HMCN1: variants seen among roughly 807,000 people sequenced by gnomAD.
The protein encoded by HMCN1 is hemicentin-1.
Under a neutral mutation model 625.9 loss-of-function variants are expected in HMCN1, and 321 were observed. The ratio of observed to expected loss-of-function variants is 0.51; its 90% CI spans 0.47 to 0.56. The LOEUF (loss-of-function observed/expected upper bound fraction) is 0.56, where lower values mean the gene tolerates loss of function less well. HMCN1 is among the 20% of genes least tolerant of loss of function. The pLI is 0.00. For missense variants in HMCN1, 6,588 were observed against 6,887.3 expected (o/e 0.96, Z 1.54); for synonymous variants, 2,425 against 2,417.6 (o/e 1.00, Z -0.09).
intron 11 of HMCN1, among the ~76,000 whole-genome samples, chr1:185,942,758 GT>G (rs1485660866): frequency 6.6e-6 from 1 of 152,056 alleles, no homozygotes; most frequent in African/African-American, 2.4e-5. Context: ...AGGTTAAGGG[GT>G]TAATCCCACA....
At position 186,144,163 on chromosome 1, in the gene HMCN1, G is replaced by C. The variant is rs755762622; in HGVS notation, c.13925-10G>C. 1.9e-6 allele frequency: 3 copies of C among 1,583,844 alleles called. No homozygotes were observed. In the East Asian group the frequency reaches 6.7e-5, roughly 35 times the overall value. ...CTGTGACTTGCAACTGTCTTTTGGG[G>C]TGTTTGCAGTTCATGGAGCATGGAG... On this transcript the variant is annotated splice_polypyrimidine_tract_variant and intron_variant, in intron 89 of 106. Coordinates refer to ENST00000271588, the MANE Select transcript of HMCN1 (RefSeq NM_031935.3).
Position 185,806,767 on chromosome 1 carries a change from G to T in HMCN1, c.269-39259G>T, listed in dbSNP as rs2102236655. On this transcript the variant is annotated intron_variant, in intron 1 of 106. Coordinates refer to ENST00000271588, the MANE Select transcript of HMCN1 (RefSeq NM_031935.3). ...TAAATGTAACCCACTACAAAGTTTTGTATTGATGTATTATTATGAAAGAAT... is the reference window on the plus strand; with the variant it reads ...TAAATGTAACCCACTACAAAGTTTTTTATTGATGTATTATTATGAAAGAAT... Among the ~76,000 whole-genome samples, 2 of 152,148 alleles carry T rather than the reference G, an allele frequency of 1.3e-5. 1 individual carries two copies. Among genetic ancestry groups the T allele is most frequent in the South Asian group, 4.1e-4 (2 of 4,824 alleles).
chr1:185,830,097 T>TC (rs1284506104), intron 1 of HMCN1, among the ~76,000 whole-genome samples: 1 of 152,154 alleles, frequency 6.6e-6, no homozygotes, highest in Non-Finnish European at 1.5e-5. Flanking sequence ...TAGAGTTGTT[T>TC]GTTTTTTTCT....
intron 4 of HMCN1, among the ~76,000 whole-genome samples, chr1:185,869,098 A>C (rs969365708): frequency 1.2e-4 from 18 of 152,210 alleles, no homozygotes; most frequent in African/African-American, 4.1e-4. Context: ...AATGAGACCA[A>C]AGGAATTTTA....
chr1:186,167,044 G>A (rs1355054632), intron 100 of HMCN1, 102 bp downstream of exon 100: 21 of 1,439,916 alleles, frequency 1.5e-5, no homozygotes, highest in Middle Eastern at 1.8e-4. Flanking sequence ...CACGAGGAAG[G>A]GACCACATAA....
chr1:185,981,258 G>C (rs1651613126), intron 17 of HMCN1, among the ~76,000 whole-genome samples, 185 bp downstream of exon 17: 1 of 151,970 alleles, frequency 6.6e-6, no homozygotes, highest in Non-Finnish European at 1.5e-5. Context: ...TAACCTTAGA[G>C]ATTATCTGCT....
At chr1:185,751,985 G>A (rs934601150) in intron 1 of HMCN1, among the ~76,000 whole-genome samples, 3 of 152,078 alleles carry the variant, frequency 2.0e-5, no homozygotes, top group Admixed American at 2.0e-4. Flanking sequence ...TTCCTTGTGT[G>A]GTTGCTAATT....
chr1:186,061,072 A>G (rs753704835), intron 46 of HMCN1, among the ~76,000 whole-genome samples: 5 of 152,006 alleles, frequency 3.3e-5, no homozygotes, highest in Non-Finnish European at 5.9e-5. Context: ...TCTGCTTTTG[A>G]TACCACTTCT....
At chr1:186,086,022 T>A (rs563360716) in intron 57 of HMCN1, among the ~76,000 whole-genome samples, 2 of 152,324 alleles carry the variant, frequency 1.3e-5, no homozygotes, top group Admixed American at 1.3e-4. Flanking sequence ...AAATGCAGAA[T>A]AATTCTGTCT....
intron 4 of HMCN1, among the ~76,000 whole-genome samples, chr1:185,867,970 G>A (rs531049589): frequency 1.3e-5 from 2 of 152,184 alleles, no homozygotes; most frequent in African/African-American, 2.4e-5. Context: ...TCGGGAGGCT[G>A]AGGCAGGAGA....
At chr1:186,121,414 G>A (rs1340273796) in intron 80 of HMCN1, among the ~76,000 whole-genome samples, 4 of 152,148 alleles carry the variant, frequency 2.6e-5, no homozygotes, top group South Asian at 4.1e-4. Flanking sequence ...GGAGATGGGA[G>A]CACAAATTGC....
rs190232282 is a variant in HMCN1, at chr1:185,815,688, G to A, written c.269-30338G>A. On this transcript the variant is annotated intron_variant, in intron 1 of 106. Coordinates refer to ENST00000271588, the MANE Select transcript of HMCN1 (RefSeq NM_031935.3). Reference sequence around the variant, plus strand: ...TATGCAACCTAGAAAAAAAAAGACCGATCTTAGTATGTTCAGCAACACATT... The same window carrying A: ...TATGCAACCTAGAAAAAAAAAGACCAATCTTAGTATGTTCAGCAACACATT... Among the ~76,000 whole-genome samples, 59 of 150,012 alleles carry A rather than the reference G, an allele frequency of 3.9e-4. No homozygotes were observed. The East Asian group carries it at 0.011, about 27-fold the overall frequency.
chr1:185,963,985 T>G, intron 13 of HMCN1, 90 bp downstream of exon 13: 1 of 1,030,276 alleles, frequency 9.7e-7, no homozygotes, highest in Non-Finnish European at 1.5e-6. Flanking sequence ...TTAATATTAG[T>G]AATGCATACA....
intron 36 of HMCN1, among the ~76,000 whole-genome samples, chr1:186,024,391 G>T (rs1443424105): frequency 6.6e-6 from 1 of 152,060 alleles, no homozygotes; most frequent in Non-Finnish European, 1.5e-5. Flanking sequence ...TATGCTGGGG[G>T]GGATTCTCTC....
intron 97 of HMCN1, among the ~76,000 whole-genome samples, chr1:186,161,526 T>C (rs1402571618): frequency 1.3e-5 from 2 of 151,976 alleles, no homozygotes; most frequent in Non-Finnish European, 1.5e-5. Context: ...TGATGGTCTT[T>C]ACATTTTGGC....
At chr1:185,768,820 G>C (rs1656042123) in intron 1 of HMCN1, among the ~76,000 whole-genome samples, 1 of 152,078 alleles carries the variant, frequency 6.6e-6, no homozygotes, top group South Asian at 2.1e-4. Flanking sequence ...ATAAAAGAAT[G>C]GGCCTGGAAT....
intron 1 of HMCN1, among the ~76,000 whole-genome samples, chr1:185,755,372 T>G (rs1655065820): frequency 6.6e-6 from 1 of 152,234 alleles, no homozygotes; most frequent in Non-Finnish European, 1.5e-5. Flanking sequence ...GCAGGCAGTT[T>G]GGCCTAAGGC....
chr1:185,952,294 T>C (rs1220898399), intron 11 of HMCN1, among the ~76,000 whole-genome samples: 1 of 151,284 alleles, frequency 6.6e-6, no homozygotes, highest in African/African-American at 2.4e-5. Context: ...AAAAAGATTA[T>C]AGGGTGGAGG....
chr1:186,115,396 A>G lies in HMCN1; in HGVS notation c.11543A>G (p.Gln3848Arg). Reference protein sequence around the residue: ...RKNGHLLNVDQNQNSYRLLSS... With the variant: ...RKNGHLLNVDRNQNSYRLLSS... ...AATGGGCATCTTCTTAATGTGGATC[A>G]AAATCAGAACTCATACAGGTAAGGA... Residue 3848 changes from glutamine (Q) to arginine (R), a missense_variant, in exon 75 of 107, where the codon CAA becomes CGA. Gln to Arg is a conservative substitution (Grantham distance 43, BLOSUM62 1). Transcript: ENST00000271588. The G allele has an allele frequency of 6.2e-7, 1 of 1,613,622 alleles. No homozygotes were observed.
Sources: allele counts gnomAD v4.1 joint callset (sites outside exome capture counted in the v4.1 genomes callset), GRCh38; gene constraint gnomAD v4.1.1; transcripts MANE v1.5; gene names NCBI Gene and HGNC (gene_info 2026-07-23, HGNC 2026-07-21).